MAP4K1: variants seen among roughly 807,000 people sequenced by gnomAD.
MAP4K1 encodes MAPK/ERK kinase kinase kinase 1.
A neutral mutation model predicts 122.8 loss-of-function variants in MAP4K1; 35 were observed. The observed-to-expected ratio is 0.29, with a 90% confidence interval of 0.22 to 0.38. MAP4K1 has a LOEUF of 0.38. Ranked by LOEUF, MAP4K1 falls within the 10% of genes least tolerant of loss-of-function variation. The pLI is 1.00. For missense variants in MAP4K1, 791 were observed against 1,072.6 expected (o/e 0.74, Z 3.67); for synonymous variants, 412 against 421.3 (o/e 0.98, Z 0.27).
chr19:38,600,175 C>T, intron 20 of MAP4K1, 22 bp from the exon 21 acceptor site: 1 of 1,609,090 alleles, frequency 6.2e-7, no homozygotes, highest in Non-Finnish European at 8.5e-7. Context: ...GACAAGGACG[C>T]TGGGACCGAC....
intron 19 of MAP4K1, among the ~76,000 whole-genome samples, chr19:38,603,383 C>G (rs1975219663): frequency 6.6e-6 from 1 of 150,556 alleles, no homozygotes; most frequent in Non-Finnish European, 1.5e-5. Context: ...CATATATACA[C>G]ATGTACATAT....
intron 20 of MAP4K1, among the ~76,000 whole-genome samples, chr19:38,600,703 C>T (rs914193809): frequency 3.3e-5 from 5 of 151,950 alleles, no homozygotes; most frequent in South Asian, 2.1e-4. Flanking sequence ...CCATCTTTCT[C>T]GTGCTCCAAA....
At chr19:38,600,529 C>T (rs1975029234) in intron 20 of MAP4K1, among the ~76,000 whole-genome samples, 1 of 152,100 alleles carries the variant, frequency 6.6e-6, no homozygotes, top group Non-Finnish European at 1.5e-5. Context: ...CAGACACCCC[C>T]AAACAGGACT....
chr19:38,602,427 CACACAT>C (rs1347221801), intron 19 of MAP4K1, among the ~76,000 whole-genome samples: 3 of 148,422 alleles, frequency 2.0e-5, no homozygotes, highest in African/African-American at 7.5e-5. Context: ...CACACACACA[CACACAT>C]ATATATACAC....
rs751485534 is a variant in MAP4K1 at position 38,616,302 on chromosome 19, A to G, written c.249-43T>C. 10 of 1,508,484 alleles carry G rather than the reference A, an allele frequency of 6.6e-6. No individual in the cohort carries two copies. In the African/African-American group the frequency reaches 9.7e-5, roughly 15 times the overall value. 93.4% of individuals were successfully genotyped at this position (1,508,484 alleles called of 1,614,324 possible). On this transcript the variant is annotated intron_variant, in intron 3 of 30. Coordinates refer to ENST00000396857, the MANE Select transcript of MAP4K1 (RefSeq NM_001042600.3). Reference sequence around the variant, plus strand: ...TAAGAATAATAATAGCAGTAAATACATTATTATTTGCAGGAAAGCCCCTGG... The same window carrying G: ...TAAGAATAATAATAGCAGTAAATACGTTATTATTTGCAGGAAAGCCCCTGG...
At position 38,597,390 on chromosome 19, in the gene MAP4K1, G is replaced by C. The variant is rs746019068; in HGVS notation, c.1779-6C>G. The C allele has an allele frequency of 3.1e-6, 5 of 1,614,032 alleles. No individual in the cohort carries two copies. The Admixed American group carries it at 8.3e-5, about 27-fold the overall frequency. Reference sequence around the variant, plus strand: ...TGGTGGAAACCATGTTCTTCCTGGAGAATAGGTAGGTGTGAAGGGGGGTAG... The same window carrying C: ...TGGTGGAAACCATGTTCTTCCTGGACAATAGGTAGGTGTGAAGGGGGGTAG... On this transcript the variant is annotated splice_region_variant and splice_polypyrimidine_tract_variant and intron_variant, in intron 23 of 30. Coordinates refer to ENST00000396857, the MANE Select transcript of MAP4K1 (RefSeq NM_001042600.3). This position sits in a 1 kb window ranked among gnomAD's most constrained non-coding sequence, Gnocchi z 4.6.
intron 30 of MAP4K1, 39 bp from the exon 31 acceptor site, chr19:38,587,856 C>G (rs1271275864): frequency 6.9e-7 from 1 of 1,450,686 alleles, no homozygotes; most frequent in South Asian, 1.1e-5. Flanking sequence ...TTTATTCATT[C>G]ATATGTTCAT....
intron 18 of MAP4K1, 29 bp downstream of exon 18, chr19:38,605,539 C>T: frequency 6.5e-7 from 1 of 1,532,164 alleles, no homozygotes; most frequent in Non-Finnish European, 8.8e-7. Context: ...CCCAACCCTC[C>T]CGCCCTCCAC....
chr19:38,610,070 C>T (rs1975451421), intron 11 of MAP4K1, 45 bp from the exon 12 acceptor site: 1 of 1,384,274 alleles, frequency 7.2e-7, no homozygotes, highest in Non-Finnish European at 1.0e-6. Flanking sequence ...ATGGTGTGGA[C>T]AGAGAGGGCT....
intron 30 of MAP4K1, among the ~76,000 whole-genome samples, chr19:38,590,438 A>ATATATATATATAG (rs1421697310): frequency 9.9e-5 from 9 of 90,706 alleles, no homozygotes; most frequent in Admixed American, 2.6e-4. Flanking sequence ...TATATATATA[A>ATATATATATATAG]TCACGGGCGT....
At chr19:38,589,550 G>A (rs1599683481) in intron 30 of MAP4K1, among the ~76,000 whole-genome samples, 1 of 151,494 alleles carries the variant, frequency 6.6e-6, no homozygotes, top group East Asian at 2.0e-4. Context: ...CGAGTAGCTG[G>A]GATTACAGGC....
intron 19 of MAP4K1, among the ~76,000 whole-genome samples, chr19:38,602,044 C>T (rs1975080287): frequency 6.6e-6 from 1 of 151,230 alleles, no homozygotes; most frequent in African/African-American, 2.4e-5. Context: ...TCCCAAAGTG[C>T]TGAGATTACA....
intron 19 of MAP4K1, among the ~76,000 whole-genome samples, chr19:38,605,086 T>TAAA (rs762922462): frequency 7.2e-5 from 9 of 124,720 alleles, no homozygotes; most frequent in African/African-American, 2.4e-4. Context: ...ACTCCGTCTT[T>TAAA]AAAAAAAAAA....
intron 12 of MAP4K1, 57 bp from the exon 13 acceptor site, chr19:38,609,731 G>T: frequency 6.7e-7 from 1 of 1,502,218 alleles, no homozygotes; most frequent in Non-Finnish European, 9.1e-7. Context: ...CTCCTACCCT[G>T]CCCGGGGTCC....
At chr19:38,603,939 G>A (rs892542759) in intron 19 of MAP4K1, among the ~76,000 whole-genome samples, 2 of 150,222 alleles carry the variant, frequency 1.3e-5, no homozygotes, top group African/African-American at 4.9e-5. Context: ...AGCCAAGATA[G>A]CACCACTGCA....
chr19:38,605,351 C>A (rs1975292266), intron 19 of MAP4K1, 58 bp downstream of exon 19: 2 of 1,321,534 alleles, frequency 1.5e-6, no homozygotes, highest in South Asian at 2.5e-5. Flanking sequence ...CTCCCCACCC[C>A]ACCAGGCATC....
At chr19:38,600,243 G>C in intron 20 of MAP4K1, 90 bp from the exon 21 acceptor site, 1 of 1,019,518 alleles carries the variant, frequency 9.8e-7, no homozygotes. Flanking sequence ...CTGACACTCT[G>C]TCCCCAGCTC....
intron 19 of MAP4K1, among the ~76,000 whole-genome samples, chr19:38,603,944 A>T (rs1459105355): frequency 6.6e-6 from 1 of 150,972 alleles, no homozygotes; most frequent in African/African-American, 2.4e-5. Context: ...AGATAGCACC[A>T]CTGCACTCCA....
rs750274333 is a variant in MAP4K1, at chr19:38,601,469, C to T, written c.1503G>A (p.Thr501=). 6 of 1,610,224 alleles carry T rather than the reference C, an allele frequency of 3.7e-6. No individual in the cohort carries two copies. Among genetic ancestry groups the T allele is most frequent in the South Asian group, 2.2e-5 (2 of 90,128 alleles). ...FNGCPLRIHS[T]AAWTHPSTKD... ...TGGTGGAGGGATGTGTCCAGGCGGCCGTGCTGTGGATCCGGAGGGGGCAGC... is the reference window on the plus strand; with the variant it reads ...TGGTGGAGGGATGTGTCCAGGCGGCTGTGCTGTGGATCCGGAGGGGGCAGC... Residue 501 remains threonine (T), a synonymous_variant, in exon 20 of 31, where the codon ACG becomes ACA. Coordinates refer to ENST00000396857, the MANE Select transcript of MAP4K1 (RefSeq NM_001042600.3).
Sources: gnomAD v4.1 joint callset for allele counts (sites outside exome capture counted in the v4.1 genomes callset) on GRCh38, gnomAD v4.1.1 for gene constraint, Gnocchi (gnomAD v3.1) non-coding constraint, MANE v1.5 for transcripts, NCBI Gene and HGNC (gene_info 2026-07-23, HGNC 2026-07-21) for gene names.